FSHR: variants seen among roughly 807,000 people sequenced by gnomAD.
FSHR encodes follicle stimulating hormone receptor.
A neutral mutation model predicts 52.1 loss-of-function variants in FSHR; 46 were observed. The observed-to-expected ratio is 0.88, with a 90% CI of 0.70 to 1.13. The LOEUF is 1.13. Among genes scored for constraint, FSHR ranks in the 50% most tolerant of loss-of-function variants. The pLI is 0.00. For missense variants in FSHR, 964 were observed against 834.6 expected, an observed-to-expected ratio of 1.16 and a Z score of -1.91; for synonymous variants, 399 against 309.6, an observed-to-expected ratio of 1.29 and a Z score of -3.03.
At chr2:49,025,162 G>A (rs1667874701) in intron 2 of FSHR, among the ~76,000 whole-genome samples, 1 of 152,222 alleles carries the variant, frequency 6.6e-6, no homozygotes, top group African/African-American at 2.4e-5. Flanking sequence ...GCACAGGAGG[G>A]AAGCTTCTTA....
Position 49,130,536 on chromosome 2 carries a change from A to G in FSHR, c.152+23730T>C, listed in dbSNP as rs575100625. Among the ~76,000 whole-genome samples the G allele has an allele frequency of 7.2e-5, 11 of 152,320 alleles. No homozygotes were observed. In the East Asian group the frequency reaches 1.9e-3, roughly 27 times the overall value. ...CAATCCAATTCAGTTCAACTCATCT[A>G]TTGAATTTAGTGCAAGTCATTAATT... On this transcript the variant is annotated intron_variant, in intron 1 of 9. Transcript: ENST00000406846.
rs549745397 is a variant in FSHR at position 48,986,112 on chromosome 2, T to A, written c.524+2865A>T. Among the ~76,000 whole-genome samples, 14 of 152,318 alleles carry A rather than the reference T, an allele frequency of 9.2e-5. No individual in the cohort carries two copies. The South Asian group carries it at 2.9e-3, about 32-fold the overall frequency. On this transcript the variant is annotated intron_variant, in intron 6 of 9. Transcript: ENST00000406846. ...TAATAACCATAGTACCCAATAGATA[T>A]TTTTTGTGATCCTCTCTCTCCTCCC...
chr2:49,009,962 G>T (rs1185141839), intron 4 of FSHR, among the ~76,000 whole-genome samples: 1 of 123,356 alleles, frequency 8.1e-6, no homozygotes, highest in South Asian at 2.7e-4. Flanking sequence ...ATACAATCAT[G>T]TCGTCTGCAA....
At chr2:49,137,179 T>C (rs1672516366) in intron 1 of FSHR, among the ~76,000 whole-genome samples, 1 of 151,952 alleles carries the variant, frequency 6.6e-6, no homozygotes, top group Non-Finnish European at 1.5e-5. Context: ...ACAAAATCAA[T>C]ATACCAAAAT....
intron 1 of FSHR, among the ~76,000 whole-genome samples, chr2:49,149,500 C>A (rs1404523976): frequency 3.3e-5 from 5 of 151,986 alleles, no homozygotes; most frequent in Non-Finnish European, 7.4e-5. Context: ...CCAGCCTTTC[C>A]CAAAGTGACC....
At chr2:49,148,308 G>T (rs1449657020) in intron 1 of FSHR, among the ~76,000 whole-genome samples, 1 of 151,830 alleles carries the variant, frequency 6.6e-6, no homozygotes, top group Admixed American at 6.6e-5. Context: ...ATGACACACA[G>T]GAATTTTCTT....
intron 2 of FSHR, among the ~76,000 whole-genome samples, chr2:49,043,170 A>G (rs1489577179): frequency 6.6e-6 from 1 of 152,078 alleles, no homozygotes; most frequent in Non-Finnish European, 1.5e-5. Flanking sequence ...AGGACTGAGA[A>G]ATTTTACTGT....
At chr2:49,071,633 A>T (rs1363606320) in intron 1 of FSHR, among the ~76,000 whole-genome samples, 1 of 152,200 alleles carries the variant, frequency 6.6e-6, no homozygotes, top group East Asian at 1.9e-4. Flanking sequence ...GTGTTGCTAT[A>T]AAGGAATACT....
chr2:48,990,488 A>G lies in FSHR; in HGVS notation c.446+78T>C, dbSNP rs1294277623. 8.7e-6 allele frequency: 8 copies of G among 921,902 alleles called. No individual in the cohort carries two copies. In the Admixed American group the frequency reaches 1.0e-4, roughly 12 times the overall value. The allele number at this position is 921,902 out of a possible 1,614,324, so 57.1% of individuals were successfully genotyped here. A position where few individuals can be genotyped will look rare whatever the true frequency, so the allele number is the denominator to read the frequency against. On this transcript the variant is annotated intron_variant, in intron 5 of 9. Coordinates refer to ENST00000406846, the MANE Select transcript of FSHR (RefSeq NM_000145.4). ...TTGGAGGATGTAGACTACACAATGC[A>G]TATTAAAGGCCCAGATAGCCGTTGG...
intron 4 of FSHR, among the ~76,000 whole-genome samples, chr2:48,993,114 C>A (rs1169468928): frequency 6.6e-6 from 1 of 152,014 alleles, no homozygotes. Flanking sequence ...GTGCTCTGGG[C>A]CTTTTGCTTC....
At chr2:49,087,069 G>C (rs1182230522) in intron 1 of FSHR, among the ~76,000 whole-genome samples, 1 of 66,472 alleles carries the variant, frequency 1.5e-5, no homozygotes, top group East Asian at 5.7e-4. Context: ...CTGTGGGCAG[G>C]GTTTTTTTTT....
chr2:49,070,399 A>G (rs569086447), intron 1 of FSHR, among the ~76,000 whole-genome samples: 72 of 152,232 alleles, frequency 4.7e-4, no homozygotes, highest in Non-Finnish European at 9.3e-4. Flanking sequence ...TCAACACCCT[A>G]CCTTAATTGT....
At chr2:48,982,823 G>T in intron 8 of FSHR, 89 bp downstream of exon 8, 1 of 1,145,138 alleles carries the variant, frequency 8.7e-7, no homozygotes, top group Non-Finnish European at 1.3e-6. Flanking sequence ...CCAGCCCTGT[G>T]TTGGAAGCTT....
chr2:49,084,402 C>T (rs1670295966), intron 1 of FSHR, among the ~76,000 whole-genome samples: 2 of 152,110 alleles, frequency 1.3e-5, no homozygotes, highest in African/African-American at 4.8e-5. Context: ...AGGAAAGATT[C>T]ACAGTTGACA....
rs1674719930 is a variant in FSHR at position 48,971,052 on chromosome 2, C to A, written c.669-2169G>T. 1.3e-5 allele frequency among the ~76,000 whole-genome samples: 2 copies of A among 152,160 alleles called. 1 individual carries two copies. Among genetic ancestry groups the A allele is most frequent in the Admixed American group, 1.3e-4 (2 of 15,282 alleles). On this transcript the variant is annotated intron_variant, in intron 8 of 9. Transcript: ENST00000406846. ...TTAGTACTGCAGATATAAAAAATGC[C>A]TATTAGATTGTGACTTCCTGCTTAA...
intron 2 of FSHR, among the ~76,000 whole-genome samples, chr2:49,055,672 G>C (rs1669036792): frequency 6.6e-6 from 1 of 151,120 alleles, no homozygotes; most frequent in Non-Finnish European, 1.5e-5. Context: ...AAAGCCTCAA[G>C]TCACATATTA....
At position 48,986,311 on chromosome 2, in the gene FSHR, T is replaced by C. The variant is rs184421578; in HGVS notation, c.524+2666A>G. On this transcript the variant is annotated intron_variant, in intron 6 of 9. Transcript: ENST00000406846. The stretch of plus-strand genomic sequence containing the variant: ...TGCAAAGGGCATGATCTTGTTCTTT[T>C]TTATAGCTGTGTAGTATTCCCAGAA... 2.2e-3 allele frequency among the ~76,000 whole-genome samples: 341 copies of C among 152,266 alleles called. 8 individuals carry two copies. Among genetic ancestry groups the C allele is most frequent in the Admixed American group, 0.019 (288 of 15,300 alleles).
intron 1 of FSHR, among the ~76,000 whole-genome samples, chr2:49,106,720 A>G (rs1015007335): frequency 1.3e-5 from 2 of 152,122 alleles, no homozygotes; most frequent in African/African-American, 4.8e-5. Context: ...AGACAAATAA[A>G]TTCAGTGTGG....
intron 4 of FSHR, among the ~76,000 whole-genome samples, chr2:49,005,033 A>C (rs2104160046): frequency 6.6e-6 from 1 of 152,086 alleles, no homozygotes; most frequent in South Asian, 2.1e-4. Context: ...GTTTAGCATT[A>C]CCTTTTTCAG....
Sources: allele counts gnomAD v4.1 joint callset (sites outside exome capture counted in the v4.1 genomes callset), GRCh38; gene constraint gnomAD v4.1.1; transcripts MANE v1.5; gene names NCBI Gene and HGNC (gene_info 2026-07-23, HGNC 2026-07-21).